SRRM4: variants seen among roughly 807,000 people sequenced by gnomAD.
The protein encoded by SRRM4 is serine/arginine repetitive matrix protein 4.
A neutral mutation model predicts 68.9 loss-of-function variants in SRRM4; 33 were observed. The observed-to-expected ratio is 0.48, with a 90% CI of 0.36 to 0.64. The LOEUF is 0.64. SRRM4 is among the 30% of genes least tolerant of loss of function. SRRM4 has a pLI of 0.00. For synonymous variants in SRRM4, 318 were observed against 318.8 expected (o/e 1.00, Z 0.03); for missense variants, 817 against 827.1 (o/e 0.99, Z 0.15).
intron 1 of SRRM4, among the ~76,000 whole-genome samples, chr12:119,006,256 C>T (rs1324461221): frequency 6.6e-6 from 1 of 152,132 alleles, no homozygotes; most frequent in East Asian, 1.9e-4. Context: ...TTAACTCTTT[C>T]TCTCCCCTCT....
chr12:119,130,762 C>A lies in SRRM4; in HGVS notation c.699C>A (p.Ser233Arg). The A allele has an allele frequency of 6.2e-7, 1 of 1,610,614 alleles. No homozygotes were observed. Among genetic ancestry groups the A allele is most frequent in the Non-Finnish European group, 8.5e-7 (1 of 1,179,820 alleles). Reference protein sequence around the residue: ...RRCSKTLCKDSPEAQSSRPPS... With the variant: ...RRCSKTLCKDRPEAQSSRPPS... ...GCTCCAAGACCCTCTGCAAGGACAG[C>A]CCTGAGGCCCAGTCCAGTCGCCCGC... The change falls in exon 8 of 13, where the codon AGC becomes AGA. Residue 233 changes from serine (S) to arginine (R), a missense_variant. Ser to Arg is a moderately radical substitution (Grantham distance 110). Transcript: ENST00000267260.
At chr12:119,026,092 G>A (rs573733077) in intron 1 of SRRM4, among the ~76,000 whole-genome samples, 62 of 152,074 alleles carry the variant, frequency 4.1e-4, no homozygotes, top group African/African-American at 1.4e-3. Flanking sequence ...AGATCTGGGC[G>A]GTAGATTCTC....
intron 1 of SRRM4, among the ~76,000 whole-genome samples, chr12:119,035,793 T>G (rs1259833363): frequency 6.6e-6 from 1 of 152,166 alleles, no homozygotes; most frequent in Non-Finnish European, 1.5e-5. Flanking sequence ...CCTTTCTGCT[T>G]GCAGTAACTC....
intron 1 of SRRM4, among the ~76,000 whole-genome samples, chr12:119,083,491 G>A (rs1337279633): frequency 6.6e-6 from 1 of 151,956 alleles, no homozygotes; most frequent in Non-Finnish European, 1.5e-5. Flanking sequence ...ACAATTCTGA[G>A]GTCTATAGCC....
At chr12:118,991,043 G>A (rs1426859552) in intron 1 of SRRM4, among the ~76,000 whole-genome samples, 2 of 152,140 alleles carry the variant, frequency 1.3e-5, no homozygotes, top group Non-Finnish European at 2.9e-5. Context: ...GACCTCAGGT[G>A]ATCCACCCTC....
intron 2 of SRRM4, among the ~76,000 whole-genome samples, chr12:119,107,002 G>C (rs1954111690): frequency 6.6e-6 from 1 of 152,132 alleles, no homozygotes; most frequent in African/African-American, 2.4e-5. Context: ...CTAGTTTATT[G>C]AGAGTTTTTA....
intron 1 of SRRM4, among the ~76,000 whole-genome samples, chr12:119,099,986 T>C (rs538468776): frequency 6.6e-5 from 10 of 152,316 alleles, no homozygotes; most frequent in African/African-American, 2.2e-4. Context: ...GGAGATAAAT[T>C]AAGTTCCGTC....
At position 119,153,520 on chromosome 12, in the gene SRRM4, G is replaced by C; in HGVS notation, c.1281-19G>C. 1 of 1,521,896 alleles carries C rather than the reference G, an allele frequency of 6.6e-7. No homozygotes were observed. 94.3% of individuals were successfully genotyped at this position (1,521,896 alleles called of 1,614,324 possible). On this transcript the variant is annotated intron_variant, in intron 10 of 12. Coordinates refer to ENST00000267260, the MANE Select transcript of SRRM4 (RefSeq NM_194286.4). Reference sequence around the variant, plus strand: ...CGGACACTCAGCAGGCTCCTCAGAGGCTGTTACCTCTCCCCCAGGTCCTAC... The same window carrying C: ...CGGACACTCAGCAGGCTCCTCAGAGCCTGTTACCTCTCCCCCAGGTCCTAC...
chr12:119,061,228 A>G (rs1400921198), intron 1 of SRRM4, among the ~76,000 whole-genome samples: 7 of 152,178 alleles, frequency 4.6e-5, no homozygotes, highest in African/African-American at 1.2e-4. Flanking sequence ...AAAAATAGCA[A>G]TGTTTCCCGC....
intron 1 of SRRM4, among the ~76,000 whole-genome samples, chr12:119,099,122 C>CTTATTATTATTATTA (rs60429184): frequency 2.0e-5 from 3 of 151,254 alleles, no homozygotes; most frequent in Admixed American, 6.6e-5. Flanking sequence ...CTTGCTGTTC[C>CTTATTATTATTATTA]TTATTATTAT....
intron 1 of SRRM4, among the ~76,000 whole-genome samples, chr12:118,984,576 G>A (rs1364626194): frequency 6.6e-6 from 1 of 152,134 alleles, no homozygotes; most frequent in African/African-American, 2.4e-5. Flanking sequence ...AACTTCCTCA[G>A]GATATTTTAA....
At chr12:119,131,837 C>G (rs1241406504) in intron 8 of SRRM4, among the ~76,000 whole-genome samples, 4 of 152,128 alleles carry the variant, frequency 2.6e-5, no homozygotes, top group African/African-American at 9.7e-5. Context: ...TTGCAGCAGG[C>G]AGCTGTGAAA....
intron 1 of SRRM4, among the ~76,000 whole-genome samples, chr12:118,991,516 T>A (rs1171593235): frequency 1.3e-5 from 2 of 152,192 alleles, no homozygotes; most frequent in Non-Finnish European, 2.9e-5. Flanking sequence ...CTCCTAACGG[T>A]TGAGGCCTCA....
intron 1 of SRRM4, among the ~76,000 whole-genome samples, chr12:119,023,985 A>G (rs1472701190): frequency 1.3e-5 from 2 of 150,232 alleles, no homozygotes; most frequent in Non-Finnish European, 3.0e-5. Flanking sequence ...CCTTCCTGTA[A>G]TTCTCTCTCA....
chr12:119,011,771 A>T (rs1292933591), intron 1 of SRRM4, among the ~76,000 whole-genome samples: 2 of 152,150 alleles, frequency 1.3e-5, no homozygotes, highest in East Asian at 3.9e-4. Context: ...CCTTCTACAA[A>T]ATAGGGAGAC....
intron 9 of SRRM4, among the ~76,000 whole-genome samples, chr12:119,146,687 A>G (rs1954404289): frequency 2.0e-5 from 3 of 152,136 alleles, no homozygotes; most frequent in Admixed American, 2.0e-4. Flanking sequence ...CTGTAATCCC[A>G]GCACTTTGGG....
intron 2 of SRRM4, among the ~76,000 whole-genome samples, chr12:119,107,020 GGGT>G (rs1954111788): frequency 6.6e-6 from 1 of 152,160 alleles, no homozygotes; most frequent in Non-Finnish European, 1.5e-5. Context: ...TTAGCATGAA[GGGT>G]GGTTGAATTT....
At chr12:119,145,323 T>C (rs2136065580) in intron 8 of SRRM4, 58 bp from the exon 9 acceptor site, 2 of 1,434,426 alleles carry the variant, frequency 1.4e-6, no homozygotes, top group East Asian at 2.5e-5. Context: ...CTTGGTTATT[T>C]AGAAACAGCC....
intron 2 of SRRM4, among the ~76,000 whole-genome samples, chr12:119,107,980 C>G (rs543591081): frequency 6.6e-6 from 1 of 152,216 alleles, no homozygotes; most frequent in African/African-American, 2.4e-5. Context: ...CTACACACTG[C>G]TTTAAATGTG....
Sources: allele counts gnomAD v4.1 joint callset (sites outside exome capture counted in the v4.1 genomes callset), GRCh38; gene constraint gnomAD v4.1.1; transcripts MANE v1.5; gene names NCBI Gene and HGNC (gene_info 2026-07-23, HGNC 2026-07-21).